Variants in PSG1 observed in about 807,000 individuals in gnomAD.
PSG1 encodes the protein pregnancy-specific beta-1-glycoprotein 1.
In PSG1, 60 loss-of-function variants were observed where a neutral mutation model predicts 41.4. The ratio of observed to expected loss-of-function variants is 1.45; its 90% CI spans 1.18 to 1.80. The LOEUF is 1.80. Ranked by LOEUF, PSG1 falls within the 40% of genes most tolerant of loss-of-function variation. The pLI is 0.00. For synonymous variants in PSG1, 256 were observed against 192.9 expected, an observed-to-expected ratio of 1.33 and a Z score of -2.71; for missense variants, 806 against 516.9, an observed-to-expected ratio of 1.56 and a Z score of -5.42.
chr19:42,877,867 G>C (rs1360988650), intron 2 of PSG1, 46 bp downstream of exon 2: 2 of 1,611,652 alleles, frequency 1.2e-6, no homozygotes. Flanking sequence ...TGAAGTAGAA[G>C]TGACCCCTGT....
chr19:42,877,241 T>C (rs1359635879), intron 2 of PSG1, among the ~76,000 whole-genome samples: 1 of 151,576 alleles, frequency 6.6e-6, no homozygotes, highest in East Asian at 1.9e-4. Context: ...ACATTAGTCT[T>C]TCTATGGACT....
rs367554795 is a variant in PSG1 at position 42,879,406 on chromosome 19, A to C, written c.64+112T>G. 454 of 1,484,314 alleles carry C rather than the reference A, an allele frequency of 3.1e-4. 11 individuals are homozygous for C. Among genetic ancestry groups the C allele is most frequent in the South Asian group, 1.5e-3 (133 of 86,464 alleles). The allele number at this position is 1,484,314 out of a possible 1,614,324, so 91.9% of individuals were successfully genotyped here. A position where few individuals can be genotyped will look rare whatever the true frequency, so the allele number is the denominator to read the frequency against. On this transcript the variant is annotated intron_variant, in intron 1 of 5. Transcript: ENST00000436291. ...TGATCTCATGATCCACCCACCTCAGACTCCCAAAGTGCTGGCTTCTTTCAT... is the reference window on the plus strand; with the variant it reads ...TGATCTCATGATCCACCCACCTCAGCCTCCCAAAGTGCTGGCTTCTTTCAT...
At chr19:42,878,412 C>A (rs1600518547) in intron 1 of PSG1, 134 bp from the exon 2 acceptor site, 7 of 1,280,870 alleles carry the variant, frequency 5.5e-6, no homozygotes, top group Non-Finnish European at 6.4e-6. Flanking sequence ...TACAAACACA[C>A]ACACACACAC....
intron 2 of PSG1, among the ~76,000 whole-genome samples, chr19:42,872,461 CT>C (rs1971434729): frequency 6.6e-6 from 1 of 151,770 alleles, no homozygotes; most frequent in East Asian, 1.9e-4. Context: ...TGCAGCTTCC[CT>C]TGCCAAGGAC....
chr19:42,876,573 G>A (rs957380035), intron 2 of PSG1, among the ~76,000 whole-genome samples: 4 of 151,278 alleles, frequency 2.6e-5, no homozygotes, highest in Non-Finnish European at 4.4e-5. Flanking sequence ...TGTCTCTCTC[G>A]CTGGGCCTGT....
intron 3 of PSG1, chr19:42,869,952 G>T (rs373263453): frequency 6.7e-6 from 1 of 149,534 alleles, no homozygotes; most frequent in Non-Finnish European, 1.5e-5. Flanking sequence ...TTTGGAGAGA[G>T]GTTTTGCAAA....
chr19:42,871,688 G>A lies in PSG1; in HGVS notation c.709+79C>T, dbSNP rs775012418. 6.9e-5 allele frequency: 111 copies of A among 1,612,034 alleles called. 2 individuals are homozygous for A. Among genetic ancestry groups the A allele is most frequent in the Middle Eastern group, 6.6e-4 (4 of 6,018 alleles). On this transcript the variant is annotated intron_variant, in intron 3 of 5. Transcript: ENST00000436291. ...GTAAAGGTCTCTGTATTGGACCTGA[G>A]AGGGACAGAGAGGCCTGGCCTCTGG... is the stretch of plus-strand genomic sequence containing the variant.
intron 2 of PSG1, chr19:42,874,263 G>A (rs564399368): frequency 2.0e-5 from 3 of 151,598 alleles, no homozygotes; most frequent in Non-Finnish European, 2.9e-5. Context: ...GGAAGTTTCT[G>A]TTGACACATC....
At chr19:42,871,656 T>A in intron 3 of PSG1, 111 bp downstream of exon 3, 1 of 1,609,690 alleles carries the variant, frequency 6.2e-7, no homozygotes, top group Non-Finnish European at 8.5e-7. Context: ...AGGTTTGATG[T>A]CCAGGGGTAA....
chr19:42,875,378 A>C (rs1971560369), intron 2 of PSG1, among the ~76,000 whole-genome samples: 1 of 151,906 alleles, frequency 6.6e-6, no homozygotes, highest in Middle Eastern at 3.4e-3. Context: ...CAGTTTCTAT[A>C]ATCCCTGACT....
Position 42,878,001 on chromosome 19 carries a change from C to G in PSG1, c.342G>C (p.Arg114=), listed in dbSNP as rs1224171107. The G allele has an allele frequency of 4.3e-6, 7 of 1,612,386 alleles. 1 individual carries two copies. The highest frequency in any genetic ancestry group is 5.9e-6 in the Non-Finnish European group (7 of 1,179,164). Residue 114 remains arginine, a synonymous_variant, in exon 2 of 6, where the codon CGG becomes CGC. Transcript: ENST00000436291. ...NASLLIQNVT[R]EDAGSYTLHI... ...GTAAGGTGTAGGATCCTGCGTCCTC[C>G]CGGGTGACATTCTGGATCAGCAGGG...
rs1971155100 is a variant in PSG1, at chr19:42,866,813, TG to T, written c.*320del. 1 of 580,710 alleles carries T rather than the reference TG, an allele frequency of 1.7e-6. No individual in the cohort carries two copies. Among genetic ancestry groups the T allele is most frequent in the South Asian group, 2.1e-5 (1 of 47,950 alleles). The allele number at this position is 580,710 out of a possible 1,614,324, so 36.0% of individuals were successfully genotyped here. A position where few individuals can be genotyped will look rare whatever the true frequency, so the allele number is the denominator to read the frequency against. ...CTAATGACTGCATTATCCTGCCAAG[TG>T]AAAGAGGCAGGCATGAGCAAGGACA... On this transcript the variant is annotated 3_prime_UTR_variant, in exon 6 of 6. Coordinates refer to ENST00000436291, the MANE Select transcript of PSG1 (RefSeq NM_001184825.2).
At chr19:42,877,703 G>A (rs1372634585) in intron 2 of PSG1, among the ~76,000 whole-genome samples, 2 of 151,700 alleles carry the variant, frequency 1.3e-5, no homozygotes, top group East Asian at 1.9e-4. Flanking sequence ...CCTCTGCAGC[G>A]AGTGTCTGCA....
chr19:42,869,390 TG>T (rs1471993541), intron 3 of PSG1: 4 of 360,474 alleles, frequency 1.1e-5, no homozygotes, highest in Non-Finnish European at 2.0e-5. Context: ...ATGCAACTGC[TG>T]GGCCCCTTCC....
chr19:42,868,470 C>T (rs1484975059), intron 4 of PSG1, 115 bp from the exon 5 acceptor site: 1 of 1,479,576 alleles, frequency 6.8e-7, no homozygotes, highest in African/African-American at 1.4e-5. Context: ...AAGTCCCAGC[C>T]CAACCCCCTC....
intron 4 of PSG1, 119 bp from the exon 5 acceptor site, chr19:42,868,474 C>A: frequency 2.0e-6 from 3 of 1,481,578 alleles, no homozygotes; most frequent in Non-Finnish European, 2.7e-6. Context: ...CCCAGCCCAA[C>A]CCCCTCTATG....
chr19:42,866,954 T>G lies in PSG1; in HGVS notation c.*180A>C. 1 of 748,686 alleles carries G rather than the reference T, an allele frequency of 1.3e-6. No individual in the cohort carries two copies. Among genetic ancestry groups the G allele is most frequent in the South Asian group, 1.4e-5 (1 of 72,468 alleles). 46.4% of individuals were successfully genotyped at this position (748,686 alleles called of 1,614,324 possible). A position where few individuals can be genotyped will look rare whatever the true frequency, so the allele number is the denominator to read the frequency against. On this transcript the variant is annotated 3_prime_UTR_variant, in exon 6 of 6. Transcript: ENST00000436291. ...TGTCCTGGTTTACAGTTTGAGCATCTGTTGTTATGGTGTCGAATATTTTGG... is the reference window on the plus strand; with the variant it reads ...TGTCCTGGTTTACAGTTTGAGCATCGGTTGTTATGGTGTCGAATATTTTGG...
chr19:42,874,255 A>G (rs1277921275), intron 2 of PSG1: 3 of 151,760 alleles, frequency 2.0e-5, no homozygotes, highest in Non-Finnish European at 4.4e-5. Context: ...TCAGTTTTGG[A>G]AGTTTCTGTT....
intron 2 of PSG1, among the ~76,000 whole-genome samples, chr19:42,875,949 C>T (rs1971586253): frequency 1.3e-5 from 2 of 150,772 alleles, no homozygotes; most frequent in South Asian, 2.1e-4. Context: ...GGGAAAGAGC[C>T]CTGGATGGGA....
Sources: gnomAD v4.1 joint callset for allele counts (sites outside exome capture counted in the v4.1 genomes callset) on GRCh38, gnomAD v4.1.1 for gene constraint, MANE v1.5 for transcripts, NCBI Gene and HGNC (gene_info 2026-07-23, HGNC 2026-07-21) for gene names.